Variants in ZNF180 observed in about 807,000 individuals in gnomAD.
The protein encoded by ZNF180 is zinc finger protein 180.
ZNF180 carries 11 observed loss-of-function variants against 11.8 expected under a neutral mutation model. That is an observed-to-expected ratio of 0.93 (90% CI 0.59 to 1.55). The LOEUF (loss-of-function observed/expected upper bound fraction) is 1.55. Among genes scored for constraint, ZNF180 ranks in the 40% most tolerant of loss-of-function variants. The probability of loss-of-function intolerance (pLI) is 0.00; values close to 1 mark genes in which losing one functional copy is unlikely to be tolerated. For missense variants in ZNF180, 773 were observed against 781.7 expected (o/e 0.99, Z 0.13); for synonymous variants, 287 against 257.7 (o/e 1.11, Z -1.09).
chr19:44,477,973 C>G lies in ZNF180; in HGVS notation c.427G>C (p.Glu143Gln). The stretch of plus-strand genomic sequence containing the variant: ...AATGCCACTTCCTGCAAAAGTATCT[C>G]TTGTTTTTCCTGTTGCTTCTCCAAC... ...DQLEKQQEKQ[E>Q]ILLQEVAFTQ... The change falls in exon 5 of 5, where the codon GAG (glutamate) becomes CAG (glutamine). Residue 143 changes from glutamate to glutamine, a missense_variant. Glu to Gln is a conservative substitution (Grantham distance 29, BLOSUM62 2). Transcript: ENST00000592529. The G allele has an allele frequency of 6.2e-7, 1 of 1,614,044 alleles. No individual in the cohort carries two copies. The highest frequency in any genetic ancestry group is 8.5e-7 in the Non-Finnish European group (1 of 1,179,986).
intron 2 of ZNF180, among the ~76,000 whole-genome samples, chr19:44,490,816 A>G (rs1970431848): frequency 6.6e-6 from 1 of 152,234 alleles, no homozygotes; most frequent in African/African-American, 2.4e-5. Flanking sequence ...TCTTGAATGC[A>G]AACTGTTTTT....
rs1218721413 is a variant in ZNF180 at position 44,484,409 on chromosome 19, G to A, written c.78C>T (p.Ile26=). 1.2e-6 allele frequency: 2 copies of A among 1,614,026 alleles called. No individual in the cohort carries two copies. Among genetic ancestry groups the A allele is most frequent in the Non-Finnish European group, 8.5e-7 (1 of 1,179,898 alleles). Residue 26 remains isoleucine (I), a synonymous_variant, in exon 3 of 5, where the codon ATC becomes ATT. Transcript: ENST00000592529. Reference sequence around the variant, plus strand: ...CAGTGTCTTCTCCCTCGACTTTGATGATAATCTCTTGAGGAAGGAAAGAAT... The same window carrying A: ...CAGTGTCTTCTCCCTCGACTTTGATAATAATCTCTTGAGGAAGGAAAGAAT... ...AQDSFLPQEI[I]IKVEGEDTGS... is the part of the protein sequence containing the mutation.
At chr19:44,494,226 G>A (rs1970520586) in intron 2 of ZNF180, among the ~76,000 whole-genome samples, 1 of 152,158 alleles carries the variant, frequency 6.6e-6, no homozygotes, top group African/African-American at 2.4e-5. Context: ...ACACTGGTTA[G>A]GCAGTCAATA....
In ZNF180 at chr19:44,477,790, C is replaced by T; in HGVS notation, c.610G>A (p.Ala204Thr). 6.2e-7 allele frequency: 1 copy of T among 1,613,938 alleles called. No individual in the cohort carries two copies. The highest frequency in any genetic ancestry group is 8.5e-7 in the Non-Finnish European group (1 of 1,179,934). Residue 204 changes from alanine (A) to threonine (T), a missense_variant, in exon 5 of 5, where the codon GCT becomes ACT. Physicochemically the swap from Ala to Thr is moderately conservative, Grantham distance 58. Transcript: ENST00000592529. ...VSHAKKWHLN[A>T]AVNSHQKINE... ...ATCTTCTGATGACTGTTTACAGCAGCATTAAGATGCCATTTTTTAGCATGT... is the reference window on the plus strand; with the variant it reads ...ATCTTCTGATGACTGTTTACAGCAGTATTAAGATGCCATTTTTTAGCATGT...
chr19:44,477,427 G>C lies in ZNF180; in HGVS notation c.973C>G (p.Pro325Ala), dbSNP rs1233995218. 2.5e-6 allele frequency: 4 copies of C among 1,614,148 alleles called. No homozygotes were observed. The highest frequency in any genetic ancestry group is 2.2e-5 in the East Asian group (1 of 44,880). Reference sequence around the variant, plus strand: ...TTCCCACACTGATTACATTCAAAAGGTTTCTCTTCAGAATTATTTCTCATG... The same window carrying C: ...TTCCCACACTGATTACATTCAAAAGCTTTCTCTTCAGAATTATTTCTCATG... Reference protein sequence around the residue: ...QNMRNNSEEKPFECNQCGKSF... With the variant: ...QNMRNNSEEKAFECNQCGKSF... The change falls in exon 5 of 5, where the codon CCT (proline) becomes GCT (alanine). Residue 325 changes from proline to alanine, a missense_variant. Physicochemically the swap from Pro to Ala is conservative, Grantham distance 27. Transcript: ENST00000592529.
chr19:44,497,271 G>A lies in ZNF180; in HGVS notation c.51+13C>T. 6.4e-7 allele frequency: 1 copy of A among 1,557,668 alleles called. No individual in the cohort carries two copies. The highest frequency in any genetic ancestry group is 8.6e-7 in the Non-Finnish European group (1 of 1,159,870). On this transcript the variant is annotated intron_variant, in intron 2 of 4. Transcript: ENST00000592529. ...AGGCTGCAGACAGACCCAAGCTCTG[G>A]GTCTCCACTCACCTGTGCACAGACC...
Position 44,477,288 on chromosome 19 carries a change from G to A in ZNF180, c.1112C>T (p.Ser371Phe), listed in dbSNP as rs1271459259. 3.7e-6 allele frequency: 6 copies of A among 1,613,330 alleles called. No homozygotes were observed. Among genetic ancestry groups the A allele is most frequent in the Non-Finnish European group, 5.1e-6 (6 of 1,179,564 alleles). ...KSFSRSSHLVSHQRTHTGEKP... is the reference protein window; with the variant it reads ...KSFSRSSHLVFHQRTHTGEKP... ...CTCTCCAGTATGAGTTCTCTGATGG[G>A]AAACAAGGTGCGAGCTCCGGCTGAA... The change falls in exon 5 of 5, where the codon TCC becomes TTC. Residue 371 changes from serine (S) to phenylalanine (F), a missense_variant. Coordinates refer to ENST00000592529, the MANE Select transcript of ZNF180 (RefSeq NM_001278509.3).
rs1177159846 is a variant in ZNF180, at chr19:44,475,577, T to C, written c.*825A>G. On this transcript the variant is annotated 3_prime_UTR_variant, in exon 5 of 5. Transcript: ENST00000592529. ...ACATAAACCTCATTATCCTGAGGGA[T>C]CTTTGCTATTTGGTTGCTTAGTCTT... The C allele has an allele frequency of 6.6e-6, 1 of 152,230 alleles. No homozygotes were observed. The highest frequency in any genetic ancestry group is 6.5e-5 in the Admixed American group (1 of 15,280). The allele number at this position is 152,230 out of a possible 1,614,324, so 9.4% of individuals were successfully genotyped here. A position where few individuals can be genotyped will look rare whatever the true frequency, so the allele number is the denominator to read the frequency against.
rs1346369940 is a variant in ZNF180, at chr19:44,477,883, C to T, written c.517G>A (p.Gly173Ser). The T allele has an allele frequency of 1.2e-6, 2 of 1,613,830 alleles. No homozygotes were observed. The highest frequency in any genetic ancestry group is 4.5e-5 in the East Asian group (2 of 44,864). The change falls in exon 5 of 5, where the codon GGT (glycine) becomes AGT (serine). Residue 173 changes from glycine to serine, a missense_variant. By Grantham distance (56) the Gly-to-Ser change is moderately conservative (BLOSUM62 0). Coordinates refer to ENST00000592529, the MANE Select transcript of ZNF180 (RefSeq NM_001278509.3). Reference protein sequence around the residue: ...CKSDETGEKSGLNSSLFSSPV... With the variant: ...CKSDETGEKSSLNSSLFSSPV... ...GATGAAAATAGACTGGAATTCAGAC[C>T]ACTCTTCTCCCCAGTTTCATCACTT...
intron 2 of ZNF180, among the ~76,000 whole-genome samples, chr19:44,489,137 G>A (rs1420120522): frequency 6.2e-5 from 9 of 144,370 alleles, no homozygotes; most frequent in African/African-American, 1.5e-4. Context: ...CAGCCGCCCC[G>A]TCCGGGAGGG....
At chr19:44,491,942 T>C (rs1970460736) in intron 2 of ZNF180, among the ~76,000 whole-genome samples, 1 of 152,110 alleles carries the variant, frequency 6.6e-6, no homozygotes, top group African/African-American at 2.4e-5. Flanking sequence ...AAATTAATGG[T>C]AATAAGGTTT....
Position 44,479,979 on chromosome 19 carries a change from A to G in ZNF180, c.127-570T>C, listed in dbSNP as rs1199842451. Among the ~76,000 whole-genome samples the G allele has an allele frequency of 2.0e-5, 3 of 152,366 alleles. No homozygotes were observed. The East Asian group carries it at 5.8e-4, about 29-fold the overall frequency. ...TGCTAATGCATGAGACAGAAAATGAAATGTGGACCTCGATGAAAAGCAGTA... is the reference window on the plus strand; with the variant it reads ...TGCTAATGCATGAGACAGAAAATGAGATGTGGACCTCGATGAAAAGCAGTA... On this transcript the variant is annotated intron_variant, in intron 3 of 4. Coordinates refer to ENST00000592529, the MANE Select transcript of ZNF180 (RefSeq NM_001278509.3).
intron 2 of ZNF180, among the ~76,000 whole-genome samples, chr19:44,489,815 C>A (rs1024041523): frequency 5.1e-5 from 4 of 78,494 alleles, no homozygotes; most frequent in South Asian, 6.1e-4. Context: ...TAAACTTGAC[C>A]GAAAGAAAAG....
At chr19:44,490,185 AGG>A (rs1970415905) in intron 2 of ZNF180, among the ~76,000 whole-genome samples, 1 of 112,426 alleles carries the variant, frequency 8.9e-6, no homozygotes, top group Admixed American at 9.1e-5. Context: ...GGAGGGAGGG[AGG>A]GAGGGAGGAT....
In ZNF180 at chr19:44,476,334, G is replaced by T. The variant is rs1969867601; in HGVS notation, c.*68C>A. The T allele has an allele frequency of 7.1e-7, 1 of 1,413,106 alleles. No individual in the cohort carries two copies. Among genetic ancestry groups the T allele is most frequent in the Non-Finnish European group, 9.5e-7 (1 of 1,053,288 alleles). The allele number at this position is 1,413,106 out of a possible 1,614,324, so 87.5% of individuals were successfully genotyped here. A position where few individuals can be genotyped will look rare whatever the true frequency, so the allele number is the denominator to read the frequency against. ...TTTATAGTAGTTCTTCCAACTACATGTACTACCTTAAAATAAATTTTTTAA... is the reference window on the plus strand; with the variant it reads ...TTTATAGTAGTTCTTCCAACTACATTTACTACCTTAAAATAAATTTTTTAA... On this transcript the variant is annotated 3_prime_UTR_variant, in exon 5 of 5. Coordinates refer to ENST00000592529, the MANE Select transcript of ZNF180 (RefSeq NM_001278509.3).
Position 44,479,337 on chromosome 19 carries a change from T to G in ZNF180, c.199A>C (p.Arg67=). The part of the protein sequence containing the change: ...EEQGTCNPAQ[R]TLDRDVILEN... ...AGGATCACATCTCTGTCCAGGGTCC[T>G]CTGAGCAGGGTTGCAAGTACCCTGT... Residue 67 remains arginine (R), a synonymous_variant, in exon 4 of 5, where the codon AGG becomes CGG. Transcript: ENST00000592529. 6.2e-7 allele frequency: 1 copy of G among 1,614,062 alleles called. No homozygotes were observed. The highest frequency in any genetic ancestry group is 1.1e-5 in the South Asian group (1 of 91,078).
At chr19:44,494,406 C>T (rs1568436474) in intron 2 of ZNF180, among the ~76,000 whole-genome samples, 2 of 152,144 alleles carry the variant, frequency 1.3e-5, no homozygotes, top group Non-Finnish European at 2.9e-5. Context: ...CGGCTCACCC[C>T]GTAATCCCGG....
At chr19:44,497,423 A>G (rs1970619648) in intron 1 of ZNF180, 46 bp from the exon 2 acceptor site, 3 of 1,530,456 alleles carry the variant, frequency 2.0e-6, no homozygotes, top group Middle Eastern at 1.7e-4. Context: ...GTCTGCCGGA[A>G]CCGCTGGGCC....
At position 44,484,428 on chromosome 19, in the gene ZNF180, A is replaced by G. The variant is rs545707772; in HGVS notation, c.59T>C (p.Phe20Ser). 6.2e-6 allele frequency: 10 copies of G among 1,613,790 alleles called. No individual in the cohort carries two copies. In the Admixed American group the frequency reaches 1.2e-4, roughly 19 times the overall value. The part of the protein sequence containing the change: ...EPPKVCAQDS[F>S]LPQEIIIKVE... ...TTTGATGATAATCTCTTGAGGAAGG[A>G]AAGAATCCTGAAAAGGCAAAACAGA... The change falls in exon 3 of 5, where the codon TTC (phenylalanine) becomes TCC (serine). Residue 20 changes from phenylalanine to serine, a missense_variant. Phe to Ser is a radical substitution (Grantham distance 155). Transcript: ENST00000592529.
Sources: gnomAD v4.1 joint callset for allele counts (sites outside exome capture counted in the v4.1 genomes callset) on GRCh38, gnomAD v4.1.1 for gene constraint, MANE v1.5 for transcripts, NCBI Gene and HGNC (gene_info 2026-07-23, HGNC 2026-07-21) for gene names.